FMNL2: variants seen among roughly 807,000 people sequenced by gnomAD.
FMNL2 encodes formin like 2.
FMNL2 carries 51 observed loss-of-function variants against 130.2 expected under a neutral mutation model. That is an observed-to-expected ratio of 0.39 (90% CI 0.31 to 0.49). FMNL2 has a LOEUF of 0.49. Among genes scored for constraint, FMNL2 ranks in the 20% least tolerant of loss-of-function variants. FMNL2 has a pLI of 0.85. For missense variants in FMNL2, 977 were observed against 1,316.2 expected (o/e 0.74, Z 3.99); for synonymous variants, 465 against 467.1 (o/e 1.00, Z 0.06).
At chr2:152,429,684 T>A (rs564504874) in intron 1 of FMNL2, among the ~76,000 whole-genome samples, 1 of 152,108 alleles carries the variant, frequency 6.6e-6, no homozygotes, top group South Asian at 2.1e-4. Context: ...TTTGGGGAAA[T>A]GCTCTTTCTT....
intron 7 of FMNL2, 144 bp from the exon 8 acceptor site, chr2:152,578,744 T>C (rs1378746274): frequency 1.7e-6 from 1 of 581,826 alleles, no homozygotes; most frequent in Admixed American, 3.2e-5. Context: ...CTGACAGTGA[T>C]ATACTAGAGA....
chr2:152,440,194 A>C (rs1282313306), intron 1 of FMNL2, among the ~76,000 whole-genome samples: 1 of 152,036 alleles, frequency 6.6e-6, no homozygotes, highest in Non-Finnish European at 1.5e-5. Context: ...GTCTCAAGTG[A>C]TCCTCTTGAC....
chr2:152,568,148 G>C lies in FMNL2; in HGVS notation c.597-6988G>C, dbSNP rs73969127. ...TGTCTAGAAATAAGTGTATATTGTT[G>C]AGACAATAGATGGGTGATCACAGTT... On this transcript the variant is annotated intron_variant, in intron 6 of 25. Coordinates refer to ENST00000288670, the MANE Select transcript of FMNL2 (RefSeq NM_052905.4). Among the ~76,000 whole-genome samples the C allele has an allele frequency of 2.1e-3, 324 of 151,804 alleles. 2 individuals are homozygous for C. Among genetic ancestry groups the C allele is most frequent in the African/African-American group, 7.5e-3 (311 of 41,378 alleles).
At chr2:152,594,173 A>T (rs1484049868) in intron 9 of FMNL2, among the ~76,000 whole-genome samples, 1 of 152,126 alleles carries the variant, frequency 6.6e-6, no homozygotes, top group African/African-American at 2.4e-5. Flanking sequence ...GTTTTTATAT[A>T]TCTTCCAAGT....
intron 1 of FMNL2, among the ~76,000 whole-genome samples, chr2:152,496,905 AT>A (rs113662131): frequency 0.076 from 11,066 of 145,716 alleles, 641 homozygotes; most frequent in Admixed American, 0.21. Context: ...CTTATCTTGG[AT>A]TTTTTTTTTT....
intron 3 of FMNL2, among the ~76,000 whole-genome samples, chr2:152,544,727 T>C (rs142800119): frequency 3.1e-4 from 47 of 152,104 alleles, no homozygotes; most frequent in African/African-American, 1.1e-3. Context: ...CAGTTCTGAA[T>C]AGAAAGGAAA....
intron 2 of FMNL2, among the ~76,000 whole-genome samples, chr2:152,527,916 A>C (rs1178242176): frequency 6.6e-6 from 1 of 152,010 alleles, no homozygotes; most frequent in African/African-American, 2.4e-5. Flanking sequence ...TTTTAGTGGG[A>C]GGTAGTATTA....
At chr2:152,432,303 A>G (rs1300837916) in intron 1 of FMNL2, among the ~76,000 whole-genome samples, 1 of 151,982 alleles carries the variant, frequency 6.6e-6, no homozygotes, top group African/African-American at 2.4e-5. Context: ...AGCATGTGAA[A>G]GCTTGACATC....
Position 152,648,759 on chromosome 2 carries a change from G to GTGTT in FMNL2, c.*855_*858dup, listed in dbSNP as rs967612099. On this transcript the variant is annotated 3_prime_UTR_variant, in exon 26 of 26. Coordinates refer to ENST00000288670, the MANE Select transcript of FMNL2 (RefSeq NM_052905.4). ...CAAGGTTACATCTGCTAGCAGAGTA[G>GTGTT]TGTTAGGAACCTGGCCTTACTCTCC... 1.8e-4 allele frequency: 28 copies of GTGTT among 152,604 alleles called. No individual in the cohort carries two copies. The highest frequency in any genetic ancestry group is 1.8e-4 in the Non-Finnish European group (12 of 68,030). 9.5% of individuals were successfully genotyped at this position (152,604 alleles called of 1,614,324 possible).
chr2:152,339,443 C>A (rs1300035980), intron 1 of FMNL2, among the ~76,000 whole-genome samples: 1 of 152,228 alleles, frequency 6.6e-6, no homozygotes, highest in Non-Finnish European at 1.5e-5. Flanking sequence ...TTAGACACTG[C>A]ATAATATTAT....
intron 9 of FMNL2, among the ~76,000 whole-genome samples, chr2:152,591,354 A>G (rs1453861951): frequency 6.6e-6 from 1 of 152,144 alleles, no homozygotes; most frequent in South Asian, 2.1e-4. Context: ...TTTTCTAAAG[A>G]TGCTCAGTTA....
rs1465279613 is a variant in FMNL2, at chr2:152,648,681, G to A, written c.*776G>A. 6.6e-6 allele frequency: 1 copy of A among 152,574 alleles called. No individual in the cohort carries two copies. Among genetic ancestry groups the A allele is most frequent in the Non-Finnish European group, 1.5e-5 (1 of 68,038 alleles). The allele number at this position is 152,574 out of a possible 1,614,324, so 9.5% of individuals were successfully genotyped here. On this transcript the variant is annotated 3_prime_UTR_variant, in exon 26 of 26. Coordinates refer to ENST00000288670, the MANE Select transcript of FMNL2 (RefSeq NM_052905.4). ...TTCTGAGGACCATTATTAATTCTGAGAACAGAAATTGGTGCCTTGCAAGGA... is the reference window on the plus strand; with the variant it reads ...TTCTGAGGACCATTATTAATTCTGAAAACAGAAATTGGTGCCTTGCAAGGA...
chr2:152,384,676 T>C (rs1168888826), intron 1 of FMNL2, among the ~76,000 whole-genome samples: 1 of 152,142 alleles, frequency 6.6e-6, no homozygotes, highest in Non-Finnish European at 1.5e-5. Flanking sequence ...GTCCCTTGAG[T>C]GCGCCTTCAT....
chr2:152,643,590 G>T, intron 25 of FMNL2: 2 of 1,523,202 alleles, frequency 1.3e-6, no homozygotes, highest in South Asian at 1.2e-5. Flanking sequence ...CTGTGTGTCT[G>T]TCAGGGCCCA....
At chr2:152,559,333 G>C (rs1558963353) in intron 5 of FMNL2, among the ~76,000 whole-genome samples, 1 of 152,116 alleles carries the variant, frequency 6.6e-6, no homozygotes, top group African/African-American at 2.4e-5. Flanking sequence ...TTGATTTTCT[G>C]CCCATAAGCT....
At chr2:152,489,703 G>C (rs1320022136) in intron 1 of FMNL2, among the ~76,000 whole-genome samples, 2 of 152,182 alleles carry the variant, frequency 1.3e-5, no homozygotes, top group Non-Finnish European at 2.9e-5. Flanking sequence ...GTGGGACGTA[G>C]AATGTAAACT....
intron 1 of FMNL2, among the ~76,000 whole-genome samples, chr2:152,509,861 C>T (rs1012152610): frequency 1.3e-5 from 2 of 148,434 alleles, no homozygotes; most frequent in Non-Finnish European, 3.0e-5. Flanking sequence ...CCTCCTGCCC[C>T]AGCCTCCTGA....
intron 6 of FMNL2, among the ~76,000 whole-genome samples, chr2:152,573,851 A>G (rs961700800): frequency 3.9e-5 from 6 of 152,190 alleles, no homozygotes; most frequent in Admixed American, 3.9e-4. Context: ...CGTATTTTCT[A>G]AAGTCTTTAA....
chr2:152,371,697 A>G (rs1384055111), intron 1 of FMNL2, among the ~76,000 whole-genome samples: 2 of 151,688 alleles, frequency 1.3e-5, no homozygotes, highest in Admixed American at 1.3e-4. Flanking sequence ...AAAGAAAGAA[A>G]TGTAATCCCT....
Sources: allele counts gnomAD v4.1 joint callset (sites outside exome capture counted in the v4.1 genomes callset), GRCh38; gene constraint gnomAD v4.1.1; transcripts MANE v1.5; gene names NCBI Gene and HGNC (gene_info 2026-07-23, HGNC 2026-07-21).